Variants in INSYN2B observed in about 807,000 individuals in gnomAD.
INSYN2B encodes inhibitory synaptic factor family member 2B.
Under a neutral mutation model 41.2 loss-of-function variants are expected in INSYN2B, and 16 were observed. The observed-to-expected ratio is 0.39, with a 90% CI of 0.26 to 0.59. INSYN2B has a LOEUF of 0.59. INSYN2B is among the 20% of genes least tolerant of loss of function. The pLI is 0.57. For missense variants in INSYN2B, 608 were observed against 646.4 expected (o/e 0.94, Z 0.64); for synonymous variants, 245 against 244.4 (o/e 1.00, Z -0.02).
intron 1 of INSYN2B, among the ~76,000 whole-genome samples, chr5:169,937,665 A>T (rs1392722063): frequency 1.3e-5 from 2 of 152,222 alleles, no homozygotes; most frequent in Admixed American, 6.5e-5. Flanking sequence ...CAAATGGATA[A>T]AGAGTATTTA....
At chr5:169,940,019 C>A (rs1181217710) in intron 1 of INSYN2B, among the ~76,000 whole-genome samples, 3 of 152,232 alleles carry the variant, frequency 2.0e-5, no homozygotes, top group Non-Finnish European at 4.4e-5. Context: ...CAAACCCCAA[C>A]ACCTCCCATT....
intron 1 of INSYN2B, among the ~76,000 whole-genome samples, chr5:169,943,969 A>T (rs1252815234): frequency 6.6e-6 from 1 of 152,184 alleles, no homozygotes; most frequent in African/African-American, 2.4e-5. Context: ...TGTCTCTGTA[A>T]AGTGGTAAGA....
intron 1 of INSYN2B, among the ~76,000 whole-genome samples, chr5:169,900,833 T>C (rs1163832598): frequency 6.6e-6 from 1 of 152,048 alleles, no homozygotes; most frequent in Non-Finnish European, 1.5e-5. Context: ...AAGATACAGA[T>C]ATAGCCTGCC....
rs1771385415 is a variant in INSYN2B at position 169,864,163 on chromosome 5, C to T, written c.*110G>A. On this transcript the variant is annotated 3_prime_UTR_variant, in exon 4 of 4. Transcript: ENST00000377365. Reference sequence around the variant, plus strand: ...CTCTTCTGTTTCACAGGCCAAGGGGCTCACAGCCCAGGGCCTTTGCAAAGA... The same window carrying T: ...CTCTTCTGTTTCACAGGCCAAGGGGTTCACAGCCCAGGGCCTTTGCAAAGA... The T allele has an allele frequency of 3.1e-6, 3 of 980,618 alleles. No homozygotes were observed. In the Admixed American group the frequency reaches 6.6e-5, roughly 21 times the overall value. The allele number at this position is 980,618 out of a possible 1,614,324, so 60.7% of individuals were successfully genotyped here. A position where few individuals can be genotyped will look rare whatever the true frequency, so the allele number is the denominator to read the frequency against.
intron 1 of INSYN2B, among the ~76,000 whole-genome samples, chr5:169,913,732 C>T (rs1774726746): frequency 6.6e-6 from 1 of 152,074 alleles, no homozygotes; most frequent in African/African-American, 2.4e-5. Flanking sequence ...CATTTTCTAG[C>T]CAAATTAGGT....
At chr5:169,882,415 G>A (rs1208118013) in intron 2 of INSYN2B, 138 bp downstream of exon 2, 1 of 689,108 alleles carries the variant, frequency 1.5e-6, no homozygotes, top group African/African-American at 1.8e-5. Flanking sequence ...GGAGGTCTGT[G>A]GTTATGATTT....
intron 1 of INSYN2B, among the ~76,000 whole-genome samples, chr5:169,966,565 A>C (rs548331021): frequency 6.6e-6 from 1 of 152,266 alleles, no homozygotes; most frequent in South Asian, 2.1e-4. Context: ...CTGGGATGCA[A>C]ATTCACCTGT....
At chr5:169,973,926 C>T (rs779202793) in intron 1 of INSYN2B, among the ~76,000 whole-genome samples, 5 of 152,168 alleles carry the variant, frequency 3.3e-5, no homozygotes, top group African/African-American at 1.2e-4. Flanking sequence ...TCCATTCCTC[C>T]TCTTCTATAT....
chr5:169,936,951 G>A (rs1192008708), intron 1 of INSYN2B, among the ~76,000 whole-genome samples: 1 of 152,116 alleles, frequency 6.6e-6, no homozygotes, highest in Admixed American at 6.5e-5. Flanking sequence ...CTCAATCCCA[G>A]ACTGGGTTTC....
chr5:169,970,384 G>A (rs1260137377), intron 1 of INSYN2B, among the ~76,000 whole-genome samples: 1 of 152,170 alleles, frequency 6.6e-6, no homozygotes, highest in East Asian at 1.9e-4. Flanking sequence ...ATTTATCCTG[G>A]GCATCTGGAC....
chr5:169,891,454 G>A (rs188054644), intron 1 of INSYN2B, among the ~76,000 whole-genome samples: 7 of 152,304 alleles, frequency 4.6e-5, no homozygotes, highest in Admixed American at 3.9e-4. Flanking sequence ...ATCTTGGGTA[G>A]AATCTTATTT....
chr5:169,970,919 G>A (rs1346674830), intron 1 of INSYN2B, among the ~76,000 whole-genome samples: 2 of 151,810 alleles, frequency 1.3e-5, no homozygotes, highest in Non-Finnish European at 2.9e-5. Flanking sequence ...GGAGCTGGGT[G>A]CAGGAAGAAA....
intron 1 of INSYN2B, among the ~76,000 whole-genome samples, chr5:169,930,053 C>T (rs1047812581): frequency 1.3e-5 from 2 of 152,154 alleles, no homozygotes; most frequent in African/African-American, 4.8e-5. Context: ...TGCAGTGGCA[C>T]GATCTCAGCT....
intron 1 of INSYN2B, among the ~76,000 whole-genome samples, chr5:169,978,386 T>TGGGGG (rs1561863630): frequency 3.6e-4 from 6 of 16,712 alleles, no homozygotes; most frequent in South Asian, 2.7e-3. Context: ...TGTGTGTGTG[T>TGGGGG]GTGTGTGGGG....
rs141748778 is a variant in INSYN2B, at chr5:169,919,352, C to T, written c.-918-34536G>A. ...CTTGAAGGTTTATGAAGATTTACTG[C>T]GTTGCCTTCCCTCCATAGATGGAAA... On this transcript the variant is annotated intron_variant, in intron 1 of 3. Transcript: ENST00000377365. Among the ~76,000 whole-genome samples, 1,306 of 152,236 alleles carry T rather than the reference C, an allele frequency of 8.6e-3. 7 individuals carry two copies. Among genetic ancestry groups the T allele is most frequent in the Middle Eastern group, 0.031 (9 of 292 alleles).
At chr5:169,977,564 C>T (rs1432890468) in intron 1 of INSYN2B, among the ~76,000 whole-genome samples, 2 of 152,184 alleles carry the variant, frequency 1.3e-5, no homozygotes, top group African/African-American at 2.4e-5. Flanking sequence ...AGACCCTGCT[C>T]GAGGTCACAA....
At chr5:169,954,475 A>G (rs1776786302) in intron 1 of INSYN2B, among the ~76,000 whole-genome samples, 1 of 152,228 alleles carries the variant, frequency 6.6e-6, no homozygotes, top group African/African-American at 2.4e-5. Flanking sequence ...CAATAGATGA[A>G]GGCAGTCAGG....
intron 1 of INSYN2B, among the ~76,000 whole-genome samples, chr5:169,939,051 G>GCCCGC (rs1776118671): frequency 6.6e-6 from 1 of 151,142 alleles, no homozygotes; most frequent in African/African-American, 2.4e-5. Context: ...CTACAGGCAT[G>GCCCGC]CACCACCACG....
At chr5:169,965,881 A>G (rs1777278382) in intron 1 of INSYN2B, among the ~76,000 whole-genome samples, 1 of 152,094 alleles carries the variant, frequency 6.6e-6, no homozygotes, top group Non-Finnish European at 1.5e-5. Context: ...CTGGGCTCTC[A>G]CCTTTGACGT....
Sources: allele counts gnomAD v4.1 joint callset (sites outside exome capture counted in the v4.1 genomes callset), GRCh38; gene constraint gnomAD v4.1.1; transcripts MANE v1.5; gene names NCBI Gene and HGNC (gene_info 2026-07-23, HGNC 2026-07-21).